MARCHF8: variants seen among roughly 807,000 people sequenced by gnomAD.
The protein encoded by MARCHF8 is membrane associated ring-CH-type finger 8.
Under a neutral mutation model 51.6 loss-of-function variants are expected in MARCHF8, and 40 were observed. That is an observed-to-expected ratio of 0.77 (90% confidence interval 0.60 to 1.01). MARCHF8 has a LOEUF of 1.01. MARCHF8 is among the 50% of genes least tolerant of loss of function. The pLI, the probability that MARCHF8 is intolerant of heterozygous loss-of-function variation, is 0.00. For missense variants in MARCHF8, 685 were observed against 708.6 expected, an observed-to-expected ratio of 0.97 and a Z score of 0.38; for synonymous variants, 263 against 280.3, an observed-to-expected ratio of 0.94 and a Z score of 0.62.
intron 1 of MARCHF8, among the ~76,000 whole-genome samples, chr10:45,556,633 C>T (rs1025360663): frequency 1.3e-5 from 2 of 152,162 alleles, no homozygotes. Flanking sequence ...TTCAGGATTT[C>T]CTGCTTTATG....
intron 2 of MARCHF8, among the ~76,000 whole-genome samples, chr10:45,512,634 C>T (rs1340855262): frequency 8.2e-5 from 12 of 147,162 alleles, no homozygotes; most frequent in African/African-American, 2.0e-4. Context: ...CCAGCCGCCC[C>T]GTCCGGGAGG....
At chr10:45,537,722 A>T (rs1044981899), upstream of MARCHF8, among the ~76,000 whole-genome samples, 1 of 152,048 alleles carries the variant, frequency 6.6e-6, no homozygotes, top group African/African-American at 2.4e-5. Context: ...ATATTACATG[A>T]TGACAGTTGT....
intron 1 of MARCHF8, among the ~76,000 whole-genome samples, chr10:45,573,743 A>G (rs2044458164): frequency 6.6e-6 from 1 of 152,182 alleles, no homozygotes; most frequent in South Asian, 2.1e-4. Flanking sequence ...TAACTCTTAA[A>G]GTGGAGGGTA....
At chr10:45,531,950 A>G (rs1181477247) in intron 2 of MARCHF8, among the ~76,000 whole-genome samples, 1 of 152,220 alleles carries the variant, frequency 6.6e-6, no homozygotes, top group Non-Finnish European at 1.5e-5. Flanking sequence ...ACCACAATTG[A>G]GACCCTAGAA....
At chr10:45,527,006 T>C (rs900683847) in intron 2 of MARCHF8, among the ~76,000 whole-genome samples, 43 of 152,192 alleles carry the variant, frequency 2.8e-4, no homozygotes, top group African/African-American at 9.9e-4. Flanking sequence ...GAAATTAACC[T>C]GCTCTTGAAT....
At chr10:45,531,815 C>T (rs867011692) in intron 2 of MARCHF8, among the ~76,000 whole-genome samples, 1 of 152,270 alleles carries the variant, frequency 6.6e-6, no homozygotes, top group South Asian at 2.1e-4. Flanking sequence ...GGAATAATAT[C>T]TCCCAAGCAC....
In MARCHF8 at chr10:45,512,746, G is replaced by A. The variant is rs1303646048; in HGVS notation, c.102+20364C>T. Among the ~76,000 whole-genome samples the A allele has an allele frequency of 2.0e-3, 311 of 152,238 alleles. 2 individuals are homozygous for A. Among genetic ancestry groups the A allele is most frequent in the African/African-American group, 7.0e-3 (290 of 41,498 alleles). Reference sequence around the variant, plus strand: ...GTGTACCCAACAGCTCATTGAGAACGGGCCGGGACGACAATGGCGGTTTTG... The same window carrying A: ...GTGTACCCAACAGCTCATTGAGAACAGGCCGGGACGACAATGGCGGTTTTG... On this transcript the variant is annotated intron_variant, in intron 2 of 7. Coordinates refer to ENST00000453424, the MANE Select transcript of MARCHF8 (RefSeq NM_001282866.2).
At chr10:45,464,442 C>A in intron 3 of MARCHF8, 115 bp from the exon 4 acceptor site, 2 of 797,578 alleles carry the variant, frequency 2.5e-6, no homozygotes, top group South Asian at 1.4e-5. Flanking sequence ...TCCCGCTGCT[C>A]AACGAGTAAC....
intron 3 of MARCHF8, among the ~76,000 whole-genome samples, chr10:45,472,767 G>C (rs1203161483): frequency 2.0e-5 from 3 of 152,190 alleles, no homozygotes; most frequent in Non-Finnish European, 2.9e-5. Context: ...AAAAAATACT[G>C]CAAAGACAGT....
At chr10:45,574,338 G>A (rs1227651173) in intron 1 of MARCHF8, among the ~76,000 whole-genome samples, 3 of 152,166 alleles carry the variant, frequency 2.0e-5, no homozygotes, top group Non-Finnish European at 4.4e-5. Flanking sequence ...GGTTAGTTCA[G>A]GATCTGCATC....
At chr10:45,468,245 T>C (rs1431016348) in intron 3 of MARCHF8, among the ~76,000 whole-genome samples, 1 of 152,226 alleles carries the variant, frequency 6.6e-6, no homozygotes, top group African/African-American at 2.4e-5. Context: ...TGGCAGAAAC[T>C]GGCATTCCCC....
intron 3 of MARCHF8, 139 bp downstream of exon 3, chr10:45,489,228 T>C (rs1564480718): frequency 4.8e-6 from 3 of 629,784 alleles, no homozygotes; most frequent in Non-Finnish European, 5.3e-6. Context: ...ATACCTCTTA[T>C]GGTCCCAGAA....
intron 3 of MARCHF8, among the ~76,000 whole-genome samples, chr10:45,478,379 T>C (rs2042823829): frequency 6.6e-6 from 1 of 152,098 alleles, no homozygotes; most frequent in Non-Finnish European, 1.5e-5. Context: ...ACCTGTGGGA[T>C]AGAGCAAAAG....
intron 2 of MARCHF8, among the ~76,000 whole-genome samples, chr10:45,520,640 T>C (rs1322975380): frequency 6.6e-6 from 1 of 152,210 alleles, no homozygotes; most frequent in Non-Finnish European, 1.5e-5. Flanking sequence ...GCTTTTCTTA[T>C]GTTCTAAGAA....
At chr10:45,531,455 TAAAGAG>T (rs1463290314) in intron 2 of MARCHF8, among the ~76,000 whole-genome samples, 1 of 152,068 alleles carries the variant, frequency 6.6e-6, no homozygotes, top group African/African-American at 2.4e-5. Context: ...GAAAAGTATT[TAAAGAG>T]AAAGTATTTT....
At chr10:45,468,163 T>C (rs944627580) in intron 3 of MARCHF8, among the ~76,000 whole-genome samples, 1 of 152,232 alleles carries the variant, frequency 6.6e-6, no homozygotes, top group African/African-American at 2.4e-5. Context: ...TGTTATCAAA[T>C]TCACCATTTT....
rs1007512731 is a variant in MARCHF8, at chr10:45,454,721, T to C, written c.*3518A>G. Reference sequence around the variant, plus strand: ...ACAAAAGAATACAAAACTAGACATTTAGATCACTAGAAACTTTCTAAGGTA... The same window carrying C: ...ACAAAAGAATACAAAACTAGACATTCAGATCACTAGAAACTTTCTAAGGTA... On this transcript the variant is annotated 3_prime_UTR_variant, in exon 8 of 8. Coordinates refer to ENST00000453424, the MANE Select transcript of MARCHF8 (RefSeq NM_001282866.2). The C allele has an allele frequency of 6.6e-6, 1 of 152,198 alleles. No homozygotes were observed. Among genetic ancestry groups the C allele is most frequent in the African/African-American group, 2.4e-5 (1 of 41,458 alleles). 9.4% of individuals were successfully genotyped at this position (152,198 alleles called of 1,614,324 possible). A position where few individuals can be genotyped will look rare whatever the true frequency, so the allele number is the denominator to read the frequency against.
intron 1 of MARCHF8, among the ~76,000 whole-genome samples, chr10:45,549,144 C>G (rs1398229756): frequency 1.3e-5 from 2 of 152,140 alleles, no homozygotes; most frequent in Non-Finnish European, 2.9e-5. Context: ...AGCAGCCCAG[C>G]GTTCTCCCTG....
At chr10:45,481,816 T>C (rs910576570) in intron 3 of MARCHF8, among the ~76,000 whole-genome samples, 2 of 152,198 alleles carry the variant, frequency 1.3e-5, no homozygotes, top group African/African-American at 4.8e-5. Context: ...CTGGAAGTCC[T>C]AGTTAGAGCA....
Sources: allele counts gnomAD v4.1 joint callset (sites outside exome capture counted in the v4.1 genomes callset), GRCh38; gene constraint gnomAD v4.1.1; transcripts MANE v1.5; gene names NCBI Gene and HGNC (gene_info 2026-07-23, HGNC 2026-07-21).